The following ING5 variants were observed in gnomAD, a reference collection of about 807,000 sequenced individuals.
The protein encoded by ING5 is inhibitor of growth protein 5.
In ING5, 17 loss-of-function variants were observed where a neutral mutation model predicts 37.4. That is an observed-to-expected ratio of 0.45 (90% confidence interval 0.31 to 0.68). The LOEUF (loss-of-function observed/expected upper bound fraction) is 0.68, where lower values mean the gene tolerates loss of function less well. ING5 is among the 30% of genes least tolerant of loss of function. The pLI is 0.05. For missense variants in ING5, 233 were observed against 311.9 expected, an observed-to-expected ratio of 0.75 and a Z score of 1.91; for synonymous variants, 123 against 116.6, an observed-to-expected ratio of 1.06 and a Z score of -0.36.
At chr2:241,689,177 A>G (rs1299465096) in intron 1 of ING5, among the ~76,000 whole-genome samples, 1 of 151,284 alleles carries the variant, frequency 6.6e-6, no homozygotes, top group African/African-American at 2.4e-5. Flanking sequence ...CAATGGCATG[A>G]TCTTGGCTCA....
intron 3 of ING5, among the ~76,000 whole-genome samples, chr2:241,710,023 A>G (rs1575128209): frequency 1.3e-5 from 2 of 151,576 alleles, no homozygotes; most frequent in African/African-American, 4.9e-5. Context: ...GCTCACTGCA[A>G]CCTCCACCTC....
Position 241,726,205 on chromosome 2 carries a change from G to T in ING5, c.*1174G>T, listed in dbSNP as rs757255384. 123 of 152,158 alleles carry T rather than the reference G, an allele frequency of 8.1e-4. No homozygotes were observed. The highest frequency in any genetic ancestry group is 3.4e-4 in the Non-Finnish European group (23 of 68,038). The allele number at this position is 152,158 out of a possible 1,614,324, so 9.4% of individuals were successfully genotyped here. A position where few individuals can be genotyped will look rare whatever the true frequency, so the allele number is the denominator to read the frequency against. ...GAGGATTGCTGAGGAATGCAGGGAC[G>T]CCTGTTTCTGTCCTCACACCACAGA... On this transcript the variant is annotated 3_prime_UTR_variant, in exon 8 of 8. Coordinates refer to ENST00000313552, the MANE Select transcript of ING5 (RefSeq NM_032329.6).
chr2:241,689,026 C>G (rs1038961253), intron 1 of ING5, among the ~76,000 whole-genome samples: 3 of 152,268 alleles, frequency 2.0e-5, no homozygotes, highest in Non-Finnish European at 4.4e-5. Flanking sequence ...TGGTCTCGAT[C>G]TCCTGACCTC....
chr2:241,690,463 G>A (rs1256522264), exon 2 of ING5: 5 of 394,490 alleles, frequency 1.3e-5, no homozygotes, highest in East Asian at 7.2e-5. Flanking sequence ...GTGTTCCTGC[G>A]TGATCAAAGG....
intron 1 of ING5, chr2:241,688,162 A>T (rs2069480363): frequency 6.6e-6 from 1 of 152,194 alleles, no homozygotes; most frequent in African/African-American, 2.4e-5. Flanking sequence ...TTAGCAGAAG[A>T]AATGGTAGGA....
upstream of ING5, among the ~76,000 whole-genome samples, chr2:241,698,416 C>CA (rs544307159): frequency 0.012 from 1,515 of 125,754 alleles, 16 homozygotes; most frequent in Middle Eastern, 0.029. Flanking sequence ...TTTGAGGTCT[C>CA]AAAAAAAAAA....
At position 241,727,460 on chromosome 2, in the gene ING5, T is replaced by TCCA. The variant is rs1575145124; in HGVS notation, c.*2437_*2439dup. The TCCA allele has an allele frequency of 6.6e-6, 1 of 152,026 alleles. No individual in the cohort carries two copies. The highest frequency in any genetic ancestry group is 2.4e-5 in the African/African-American group (1 of 41,386). The allele number at this position is 152,026 out of a possible 1,614,324, so 9.4% of individuals were successfully genotyped here. A position where few individuals can be genotyped will look rare whatever the true frequency, so the allele number is the denominator to read the frequency against. On this transcript the variant is annotated 3_prime_UTR_variant, in exon 8 of 8. Coordinates refer to ENST00000313552, the MANE Select transcript of ING5 (RefSeq NM_032329.6). ...TCCCGAGCAGCTGGGATTATAGGCG[T>TCCA]CCACCACCACGCCCAGCTAATTTTT...
intron 5 of ING5, chr2:241,721,085 C>T (rs979713735): frequency 1.7e-5 from 17 of 985,496 alleles, no homozygotes; most frequent in East Asian, 1.1e-4. Flanking sequence ...TTGGACTCGG[C>T]GCAGAAGAGG....
intron 5 of ING5, chr2:241,721,890 T>C: frequency 1.0e-6 from 1 of 985,534 alleles, no homozygotes; most frequent in Middle Eastern, 5.2e-4. Flanking sequence ...GTGGCAGGCT[T>C]GGAGGGAGGC....
chr2:241,703,000 C>G (rs775280876), intron 1 of ING5, among the ~76,000 whole-genome samples: 5 of 152,178 alleles, frequency 3.3e-5, no homozygotes, highest in Non-Finnish European at 4.4e-5. Flanking sequence ...GCGAGTGAGC[C>G]GTGGCCTGGA....
intron 5 of ING5, among the ~76,000 whole-genome samples, chr2:241,718,764 G>A (rs571162696): frequency 2.0e-5 from 3 of 152,256 alleles, no homozygotes; most frequent in East Asian, 3.9e-4. Context: ...TTAAGAGATT[G>A]TAGGGCTGGG....
At chr2:241,723,448 G>C (rs1382295394) in intron 7 of ING5, among the ~76,000 whole-genome samples, 177 bp downstream of exon 7, 2 of 152,244 alleles carry the variant, frequency 1.3e-5, no homozygotes, top group Non-Finnish European at 2.9e-5. Flanking sequence ...GCTGCTCTGG[G>C]TGTGGCTTTA....
At chr2:241,719,457 G>C in intron 5 of ING5, 1 of 1,142,320 alleles carries the variant, frequency 8.8e-7, no homozygotes, top group African/African-American at 1.5e-5. Flanking sequence ...TTTGTGACTT[G>C]CTGGGTTTTG....
At position 241,725,499 on chromosome 2, in the gene ING5, C is replaced by G. The variant is rs1030968733; in HGVS notation, c.*468C>G. On this transcript the variant is annotated 3_prime_UTR_variant, in exon 8 of 8. Transcript: ENST00000313552. ...GGGGCCACTGCCGTGGCGGCGGCTG[C>G]CCTCCTCACACTCGGCTCCGCGCCG... 2 of 152,822 alleles carry G rather than the reference C, an allele frequency of 1.3e-5. No homozygotes were observed. Among genetic ancestry groups the G allele is most frequent in the African/African-American group, 4.8e-5 (2 of 41,432 alleles). 9.5% of individuals were successfully genotyped at this position (152,822 alleles called of 1,614,324 possible).
chr2:241,699,195 T>C (rs1007575117), upstream of ING5, among the ~76,000 whole-genome samples: 1 of 150,888 alleles, frequency 6.6e-6, no homozygotes, highest in Non-Finnish European at 1.5e-5. Flanking sequence ...CTGGCTAATT[T>C]TGTATTTTTA....
At chr2:241,720,202 G>C in intron 5 of ING5, 1 of 1,233,876 alleles carries the variant, frequency 8.1e-7, no homozygotes. Context: ...ATCATCCTGG[G>C]TGTGTGCAGG....
At chr2:241,702,490 G>A (rs1192981231) in intron 1 of ING5, among the ~76,000 whole-genome samples, 1 of 152,060 alleles carries the variant, frequency 6.6e-6, no homozygotes, top group African/African-American at 2.4e-5. Flanking sequence ...CCCGTCTGCA[G>A]GAGGAGCTGG....
At chr2:241,702,239 G>A (rs1279653213) in intron 1 of ING5, 137 bp downstream of exon 1, 2 of 215,390 alleles carry the variant, frequency 9.3e-6, no homozygotes, top group Non-Finnish European at 1.6e-5. Flanking sequence ...GACGGGGGGC[G>A]CGCGGACGGG....
At chr2:241,720,868 G>T in intron 5 of ING5, 2 of 985,736 alleles carry the variant, frequency 2.0e-6, no homozygotes, top group Non-Finnish European at 2.4e-6. Context: ...CTGGCCACAC[G>T]CCATGGCGCT....
Sources: gnomAD v4.1 joint callset for allele counts (sites outside exome capture counted in the v4.1 genomes callset) on GRCh38, gnomAD v4.1.1 for gene constraint, MANE v1.5 for transcripts, NCBI Gene and HGNC (gene_info 2026-07-23, HGNC 2026-07-21) for gene names.